Variants in NCS1 observed in about 807,000 individuals in gnomAD.
NCS1 encodes the protein neuronal calcium sensor 1.
NCS1 carries 6 observed loss-of-function variants against 28.4 expected under a neutral mutation model. That is an observed-to-expected ratio of 0.21 (90% CI 0.12 to 0.42). The LOEUF (loss-of-function observed/expected upper bound fraction) is 0.42, where lower values mean the gene tolerates loss of function less well. Ranked by LOEUF, NCS1 falls within the 10% of genes least tolerant of loss-of-function variation. NCS1 has a pLI of 1.00. For missense variants in NCS1, 131 were observed against 241.4 expected (o/e 0.54, Z 3.03); for synonymous variants, 86 against 99.3 (o/e 0.87, Z 0.79).
At chr9:130,222,193 C>T (rs778212972) in intron 4 of NCS1, among the ~76,000 whole-genome samples, 1 of 149,006 alleles carries the variant, frequency 6.7e-6, no homozygotes, top group Non-Finnish European at 1.5e-5. Flanking sequence ...CTTGCTCTGT[C>T]ACCCAGGCTG....
Position 130,219,271 on chromosome 9 carries a change from G to C in NCS1, c.229-454G>C, listed in dbSNP as rs552135673. 2.6e-5 allele frequency among the ~76,000 whole-genome samples: 4 copies of C among 152,022 alleles called. No individual in the cohort carries two copies. Among genetic ancestry groups the C allele is most frequent in the African/African-American group, 9.7e-5 (4 of 41,398 alleles). The stretch of plus-strand genomic sequence containing the variant: ...GAGTCACATGCCTGACCCTGGGAAG[G>C]GCTCTTCCCTTCTTGGGCCTCGGTT... On this transcript the variant is annotated intron_variant, in intron 3 of 7. Transcript: ENST00000372398. This position sits in a 1 kb window ranked among gnomAD's most constrained non-coding sequence, Gnocchi z 5.7.
At chr9:130,205,665 G>A (rs1214581678) in intron 2 of NCS1, among the ~76,000 whole-genome samples, 4 of 148,590 alleles carry the variant, frequency 2.7e-5, no homozygotes, top group East Asian at 3.9e-4. Flanking sequence ...AGGTGATCTC[G>A]TCTCTACAAA....
chr9:130,214,291 T>TG (rs1450352779), intron 2 of NCS1, among the ~76,000 whole-genome samples: 1 of 151,080 alleles, frequency 6.6e-6, no homozygotes, highest in Admixed American at 6.6e-5. Flanking sequence ...GGCGGGAGAG[T>TG]GGGTGGGCCC....
chr9:130,233,568 T>G lies in NCS1; in HGVS notation c.*596T>G, dbSNP rs1486425226. On this transcript the variant is annotated 3_prime_UTR_variant, in exon 8 of 8. Coordinates refer to ENST00000372398, the MANE Select transcript of NCS1 (RefSeq NM_014286.4). The surrounding 1 kb of genome is among the most constrained non-coding windows in gnomAD (Gnocchi z 4.8). ...GGATGATTAATTATGAGGATGATGA[T>G]TTTTTTTGTGATAACAGTATTGTGC... 1 of 144,648 alleles carries G rather than the reference T, an allele frequency of 6.9e-6. No homozygotes were observed. The highest frequency in any genetic ancestry group is 1.5e-5 in the Non-Finnish European group (1 of 67,012). 9.0% of individuals were successfully genotyped at this position (144,648 alleles called of 1,614,324 possible). A position where few individuals can be genotyped will look rare whatever the true frequency, so the allele number is the denominator to read the frequency against.
At chr9:130,229,592 A>G (rs1833470469) in intron 7 of NCS1, among the ~76,000 whole-genome samples, 1 of 152,154 alleles carries the variant, frequency 6.6e-6, no homozygotes, top group African/African-American at 2.4e-5. Flanking sequence ...GTACCTTGAC[A>G]TGTCCCATGG....
rs3824544 is a variant in NCS1 at position 130,186,271 on chromosome 9, T to C, written c.64+13544T>C. Among the ~76,000 whole-genome samples, 106,371 of 152,046 alleles carry C rather than the reference T, an allele frequency of 0.7. 38,412 individuals carry two copies. Among genetic ancestry groups the C allele is most frequent in the East Asian group, 0.89 (4,625 of 5,172 alleles). ...TTTGGCGGGGAGGCAGATGTCAGGC[T>C]GGGATAAGCGTCAAGACAGGGCTTT... On this transcript the variant is annotated intron_variant, in intron 1 of 7. Coordinates refer to ENST00000372398, the MANE Select transcript of NCS1 (RefSeq NM_014286.4). The surrounding 1 kb of genome is among the most constrained non-coding windows in gnomAD (Gnocchi z 4.1).
chr9:130,216,060 T>C (rs1250853325), intron 2 of NCS1, among the ~76,000 whole-genome samples: 1 of 152,172 alleles, frequency 6.6e-6, no homozygotes, highest in African/African-American at 2.4e-5. Flanking sequence ...CACCCCTGGG[T>C]GCCCCACATG....
chr9:130,215,568 G>A lies in NCS1; in HGVS notation c.90-2264G>A, dbSNP rs960743950. Among the ~76,000 whole-genome samples the A allele has an allele frequency of 6.6e-6, 1 of 152,156 alleles. No homozygotes were observed. Among genetic ancestry groups the A allele is most frequent in the African/African-American group, 2.4e-5 (1 of 41,444 alleles). On this transcript the variant is annotated intron_variant, in intron 2 of 7. Coordinates refer to ENST00000372398, the MANE Select transcript of NCS1 (RefSeq NM_014286.4). The surrounding 1 kb of genome is among the most constrained non-coding windows in gnomAD (Gnocchi z 4.2). ...GGGCAGAGGACAGGAGAGGCAGGGC[G>A]GGCTCCGAGTCTCACGCATTGCTGT...
intron 2 of NCS1, among the ~76,000 whole-genome samples, chr9:130,210,587 C>G (rs1388012009): frequency 1.3e-5 from 2 of 151,992 alleles, no homozygotes; most frequent in South Asian, 2.1e-4. Flanking sequence ...ATGGCCAGTG[C>G]TCAGGACGTC....
At chr9:130,193,895 A>C (rs1554906493) in intron 1 of NCS1, 2 of 152,424 alleles carry the variant, frequency 1.3e-5, no homozygotes, top group African/African-American at 4.8e-5. Context: ...CCAGGCCCAA[A>C]GGCCCCGCCT....
At chr9:130,223,614 G>A (rs1018018538) in intron 6 of NCS1, among the ~76,000 whole-genome samples, 2 of 152,092 alleles carry the variant, frequency 1.3e-5, no homozygotes, top group Non-Finnish European at 2.9e-5. Flanking sequence ...AGCAACCCCC[G>A]AAATTGCGAG....
At chr9:130,222,544 C>T in intron 4 of NCS1, 106 bp from the exon 5 acceptor site, 1 of 851,498 alleles carries the variant, frequency 1.2e-6, no homozygotes, top group Non-Finnish European at 2.0e-6. Flanking sequence ...AGGAATGGGC[C>T]ATCCGGTCGC....
chr9:130,228,933 G>A (rs1323656288), intron 7 of NCS1, among the ~76,000 whole-genome samples: 1 of 151,986 alleles, frequency 6.6e-6, no homozygotes, highest in Non-Finnish European at 1.5e-5. Flanking sequence ...GCCTCCCAAA[G>A]TGCTGGAACT....
At chr9:130,204,614 C>T (rs781855307) in intron 2 of NCS1, among the ~76,000 whole-genome samples, 2 of 152,218 alleles carry the variant, frequency 1.3e-5, no homozygotes, top group Non-Finnish European at 2.9e-5. Flanking sequence ...GACTTGCCCA[C>T]TTCCTGGCTG....
chr9:130,180,047 CTAT>C lies in NCS1; in HGVS notation c.64+7321_64+7323del, dbSNP rs1554905021. Among the ~76,000 whole-genome samples the C allele has an allele frequency of 8.1e-6, 1 of 122,884 alleles. No individual in the cohort carries two copies. Among genetic ancestry groups the C allele is most frequent in the African/African-American group, 3.1e-5 (1 of 32,144 alleles). 80.6% of individuals were successfully genotyped at this position (122,884 alleles called of 152,430 possible). On this transcript the variant is annotated intron_variant, in intron 1 of 7. Transcript: ENST00000372398. This position sits in a 1 kb window ranked among gnomAD's most constrained non-coding sequence, Gnocchi z 4.5. ...TCTATCTATCTATCTATCTATCTAT[CTAT>C]CGAGATGGAATCTCACTTCCGTCAC...
At chr9:130,229,434 T>C (rs537639802) in intron 7 of NCS1, among the ~76,000 whole-genome samples, 78 of 152,062 alleles carry the variant, frequency 5.1e-4, no homozygotes, top group African/African-American at 1.9e-3. Context: ...TTTGTACTTT[T>C]AGTAGAGATG....
At chr9:130,178,059 C>T (rs975001717) in intron 1 of NCS1, among the ~76,000 whole-genome samples, 5 of 152,150 alleles carry the variant, frequency 3.3e-5, no homozygotes, top group South Asian at 2.1e-4. Context: ...GATGGGATCT[C>T]GCTATGTTGG....
intron 3 of NCS1, among the ~76,000 whole-genome samples, chr9:130,218,876 C>A (rs1588123224): frequency 1.3e-5 from 2 of 152,294 alleles, no homozygotes; most frequent in East Asian, 1.9e-4. Flanking sequence ...CAGGTGTAAG[C>A]CCCCTTGCCC....
At chr9:130,198,724 CA>C (rs1832905648) in intron 1 of NCS1, among the ~76,000 whole-genome samples, 2 of 152,202 alleles carry the variant, frequency 1.3e-5, no homozygotes, top group African/African-American at 4.8e-5. Context: ...GAGGCTCAGT[CA>C]GGGGAAGCAA....
Sources: allele counts gnomAD v4.1 joint callset (sites outside exome capture counted in the v4.1 genomes callset), GRCh38; gene constraint gnomAD v4.1.1; non-coding constraint Gnocchi (gnomAD v3.1); transcripts MANE v1.5; gene names NCBI Gene and HGNC (gene_info 2026-07-23, HGNC 2026-07-21).